Variants in TASOR2 observed in about 807,000 individuals in gnomAD.
The protein encoded by TASOR2 is protein TASOR 2.
Under a neutral mutation model 199.5 loss-of-function variants are expected in TASOR2, and 84 were observed. That is an observed-to-expected ratio of 0.42 (90% CI 0.35 to 0.50). The LOEUF (loss-of-function observed/expected upper bound fraction) is 0.50. TASOR2 is among the 20% of genes least tolerant of loss of function. The pLI, the probability that TASOR2 is intolerant of heterozygous loss-of-function variation, is 0.02. For synonymous variants in TASOR2, 1,103 were observed against 1,046.6 expected (o/e 1.05, Z -1.04); for missense variants, 2,796 against 2,835.9 (o/e 0.99, Z 0.32).
chr10:5,735,252 C>G, intron 11 of TASOR2, 52 bp from the exon 13 acceptor site: 1 of 1,561,600 alleles, frequency 6.4e-7, no homozygotes, highest in South Asian at 1.2e-5. Flanking sequence ...AAAAGCTATG[C>G]TAAGTATCTG....
In TASOR2 at chr10:5,758,984, A is replaced by T. The variant is rs202125233; in HGVS notation, c.6984A>T (p.Glu2328Asp). ...ACAGGGAAAATAAAAAGCTAAAAGA[A>T]GATGAAAGGTAAGGACTTGCTGTGT... Residue 2328 changes from glutamate to aspartate, a missense_variant, in exon 18 of 21, where the codon GAA becomes GAT. Physicochemically the swap from Glu to Asp is conservative, Grantham distance 45 (BLOSUM62 2). Transcript: ENST00000328090. 1.1e-4 allele frequency: 172 copies of T among 1,612,052 alleles called. No homozygotes were observed. The highest frequency in any genetic ancestry group is 3.1e-4 in the African/African-American group (23 of 74,916).
At chr10:5,749,749 C>T in exon 15 of TASOR2, 1 of 1,614,190 alleles carries the variant, frequency 6.2e-7, no homozygotes, top group Non-Finnish European at 8.5e-7. Context: ...TGATATTTCA[C>T]TTATTCTCAA....
intron 2 of TASOR2, 199 bp from the exon 3 acceptor site, chr10:5,713,936 C>G (rs572080232): frequency 8.9e-5 from 31 of 348,624 alleles, no homozygotes; most frequent in African/African-American, 5.9e-4. Context: ...AGTTGTGCCT[C>G]ATGCCTGTAA....
chr10:5,756,950 G>A (rs1325948456), intron 16 of TASOR2, among the ~76,000 whole-genome samples: 1 of 152,172 alleles, frequency 6.6e-6, no homozygotes, highest in Non-Finnish European at 1.5e-5. Flanking sequence ...AACTAAGGGA[G>A]ACTTAGGTGA....
intron 11 of TASOR2, among the ~76,000 whole-genome samples, chr10:5,732,058 TAG>T (rs1199488109): frequency 6.6e-6 from 1 of 152,214 alleles, no homozygotes; most frequent in Admixed American, 6.5e-5. Context: ...GAGTGAGAAT[TAG>T]AGTCTTGAGC....
In TASOR2 at chr10:5,690,691, G is replaced by T. The variant is rs1289366885; in HGVS notation, c.-288+5516G>T. Among the ~76,000 whole-genome samples the T allele has an allele frequency of 6.6e-6, 1 of 152,172 alleles. No individual in the cohort carries two copies. Among genetic ancestry groups the T allele is most frequent in the African/African-American group, 2.4e-5 (1 of 41,438 alleles). The stretch of plus-strand genomic sequence containing the variant: ...ACTTATTCTCAGGATATTTTTGTAA[G>T]AGGGACAAAACTACTTAACAGTGTG... On this transcript the variant is annotated intron_variant, in intron 1 of 20. Transcript: ENST00000328090. This position sits in a 1 kb window ranked among gnomAD's most constrained non-coding sequence, Gnocchi z 4.8.
Position 5,687,529 on chromosome 10 carries a change from C to T in TASOR2, c.-288+2354C>T, listed in dbSNP as rs1835932344. ...GGACCCCTCTACACTTTTTAAGAAC[C>T]ATTGAGGGGGCCAGGTACGGTGGCC... is the stretch of plus-strand genomic sequence containing the variant. On this transcript the variant is annotated intron_variant, in intron 1 of 20. Transcript: ENST00000328090. The surrounding 1 kb of genome is among the most constrained non-coding windows in gnomAD (Gnocchi z 4.8). 6.6e-6 allele frequency among the ~76,000 whole-genome samples: 1 copy of T among 152,162 alleles called. No individual in the cohort carries two copies. The highest frequency in any genetic ancestry group is 2.1e-4 in the South Asian group (1 of 4,826).
In TASOR2 at chr10:5,748,755, A is replaced by G; in HGVS notation, c.5334A>G (p.Glu1778=). 6.2e-7 allele frequency: 1 copy of G among 1,614,156 alleles called. No individual in the cohort carries two copies. Among genetic ancestry groups the G allele is most frequent in the South Asian group, 1.1e-5 (1 of 91,086 alleles). ...AGCCTTTGGCCTCCTTTGTTTCAGA[A>G]TCCTTTGATACTTCTGTTTGTGGAA... Residue 1778 remains glutamate (E), a synonymous_variant, in exon 15 of 21, where the codon GAA becomes GAG. Coordinates refer to ENST00000328090, the Ensembl canonical transcript of TASOR2. The surrounding 1 kb of genome is among the most constrained non-coding windows in gnomAD (Gnocchi z 5.1).
At chr10:5,717,682 G>T in exon 3 of TASOR2, 1 of 1,224,890 alleles carries the variant, frequency 8.2e-7, no homozygotes, top group South Asian at 4.1e-5. Context: ...CAAATACTCC[G>T]ACTGTCTTCA....
At chr10:5,688,263 C>T (rs559423609) in intron 1 of TASOR2, among the ~76,000 whole-genome samples, 19 of 152,216 alleles carry the variant, frequency 1.2e-4, no homozygotes, top group Non-Finnish European at 8.8e-5. Context: ...CTTGCTCTGT[C>T]GCCCAGGCTA....
Position 5,722,419 on chromosome 10 carries a change from A to C in TASOR2, c.147-1258A>C, listed in dbSNP as rs374140900. On this transcript the variant is annotated intron_variant, in intron 6 of 20. Transcript: ENST00000328090. The surrounding 1 kb of genome is among the most constrained non-coding windows in gnomAD (Gnocchi z 4.0). ...TGCATTGAGCTGAGATCGCGCCACT[A>C]CACTCCAGCCTGGGCGACAGAGTGA... 1.3e-5 allele frequency among the ~76,000 whole-genome samples: 2 copies of C among 151,786 alleles called. No homozygotes were observed. Among genetic ancestry groups the C allele is most frequent in the Admixed American group, 6.6e-5 (1 of 15,230 alleles).
exon 15 of TASOR2, chr10:5,746,898 G>A: frequency 6.2e-7 from 1 of 1,614,202 alleles, no homozygotes; most frequent in Non-Finnish European, 8.5e-7. Context: ...CAATGGTCAT[G>A]GAGGCACTAT....
intron 14 of TASOR2, among the ~76,000 whole-genome samples, chr10:5,744,825 C>T (rs1437547547): frequency 6.6e-6 from 1 of 152,154 alleles, no homozygotes; most frequent in African/African-American, 2.4e-5. Context: ...GACTAGGTTT[C>T]GCCATGTTGG....
At position 5,696,278 on chromosome 10, in the gene TASOR2, A is replaced by G. The variant is rs1361223033; in HGVS notation, c.-288+11103A>G. On this transcript the variant is annotated intron_variant, in intron 1 of 20. Transcript: ENST00000328090. ...GAACTATGGAAATTCACCCGATTGA[A>G]CAGTTGGATCCATCAGATCACCTGG... is the stretch of plus-strand genomic sequence containing the variant. Among the ~76,000 whole-genome samples the G allele has an allele frequency of 3.9e-5, 6 of 152,180 alleles. No individual in the cohort carries two copies. In the East Asian group the frequency reaches 1.2e-3, roughly 29 times the overall value.
chr10:5,761,686 A>G (rs546636131), intron 19 of TASOR2: 15 of 553,228 alleles, frequency 2.7e-5, no homozygotes, highest in Non-Finnish European at 4.5e-5. Context: ...AGTCAGTTCT[A>G]GATTACTTAT....
chr10:5,697,661 GGAGAT>G (rs918631417), intron 1 of TASOR2, among the ~76,000 whole-genome samples: 1 of 152,094 alleles, frequency 6.6e-6, no homozygotes, highest in Non-Finnish European at 1.5e-5. Flanking sequence ...GATTACATTT[GGAGAT>G]TAGATAAGGA....
intron 13 of TASOR2, among the ~76,000 whole-genome samples, chr10:5,741,238 A>G (rs1836380292): frequency 6.6e-6 from 1 of 152,244 alleles, no homozygotes; most frequent in Admixed American, 6.5e-5. Context: ...ACATTTAATT[A>G]TGTAGCTGTG....
At position 5,742,054 on chromosome 10, in the gene TASOR2, C is replaced by T. The variant is rs1205665435; in HGVS notation, c.2328-43C>T. ...ATGATAAGGTAATCAACTAAAATAA[C>T]CATTTTCAATGATTTTCATGTGTTC... On this transcript the variant is annotated intron_variant, in intron 13 of 20. Transcript: ENST00000328090. The surrounding 1 kb of genome is among the most constrained non-coding windows in gnomAD (Gnocchi z 4.2). The T allele has an allele frequency of 3.8e-6, 6 of 1,571,774 alleles. No individual in the cohort carries two copies. The African/African-American group carries it at 8.3e-5, about 22-fold the overall frequency.
At chr10:5,724,528 C>G (rs1833777995) in exon 8 of TASOR2, 1 of 1,405,238 alleles carries the variant, frequency 7.1e-7, no homozygotes, top group African/African-American at 1.5e-5. Context: ...TAAAAACAAG[C>G]AATTGGTAAG....
Sources: gnomAD v4.1 joint callset for allele counts (sites outside exome capture counted in the v4.1 genomes callset) on GRCh38, gnomAD v4.1.1 for gene constraint, Gnocchi (gnomAD v3.1) non-coding constraint, MANE v1.5 for transcripts, NCBI Gene and HGNC (gene_info 2026-07-23, HGNC 2026-07-21) for gene names.